The following RAB11FIP3 variants were observed in gnomAD, a reference collection of about 807,000 sequenced individuals.
The protein encoded by RAB11FIP3 is RAB11 family interacting protein 3.
RAB11FIP3 carries 17 observed loss-of-function variants against 77.8 expected under a neutral mutation model. That is an observed-to-expected ratio of 0.22 (90% confidence interval 0.15 to 0.33). The LOEUF (loss-of-function observed/expected upper bound fraction) is 0.33. Ranked by LOEUF, RAB11FIP3 falls within the 10% of genes least tolerant of loss-of-function variation. The pLI is 1.00. For missense variants in RAB11FIP3, 1,005 were observed against 1,011.2 expected (o/e 0.99, Z 0.08); for synonymous variants, 437 against 448.2 (o/e 0.98, Z 0.31).
Position 521,602 on chromosome 16 carries a change from C to T in RAB11FIP3, c.*763C>T, listed in dbSNP as rs2032691243. 1 of 152,506 alleles carries T rather than the reference C, an allele frequency of 6.6e-6. No individual in the cohort carries two copies. The highest frequency in any genetic ancestry group is 6.5e-5 in the Admixed American group (1 of 15,292). 9.4% of individuals were successfully genotyped at this position (152,506 alleles called of 1,614,324 possible). On this transcript the variant is annotated 3_prime_UTR_variant, in exon 14 of 14. Transcript: ENST00000262305. ...CCACCTATGGGGGCCGGGCAGGAGCCTCTGGGGCCTCCACTCCGACATCAG... is the reference window on the plus strand; with the variant it reads ...CCACCTATGGGGGCCGGGCAGGAGCTTCTGGGGCCTCCACTCCGACATCAG...
intron 3 of RAB11FIP3, among the ~76,000 whole-genome samples, chr16:474,486 TC>T: frequency 6.6e-6 from 1 of 152,004 alleles, no homozygotes; most frequent in Middle Eastern, 3.2e-3. Flanking sequence ...GCCGCTGAGT[TC>T]CTGGGCATGG....
Position 461,525 on chromosome 16 carries a change from C to T in RAB11FIP3, c.808+28C>T. The T allele has an allele frequency of 3.8e-6, 6 of 1,583,574 alleles. No homozygotes were observed. Among genetic ancestry groups the T allele is most frequent in the Non-Finnish European group, 5.2e-6 (6 of 1,153,380 alleles). ...CAGTCATCCCCGCCATGAGCTCCCA[C>T]CTCCTCTCCCGTTCCTCAGCCACCC... is the stretch of plus-strand genomic sequence containing the variant. On this transcript the variant is annotated intron_variant, in intron 2 of 13. Transcript: ENST00000262305. The surrounding 1 kb of genome is among the most constrained non-coding windows in gnomAD (Gnocchi z 4.5).
chr16:492,381 C>CGTCCAGG (rs1296305159), intron 5 of RAB11FIP3, among the ~76,000 whole-genome samples: 3 of 144,750 alleles, frequency 2.1e-5, no homozygotes, highest in South Asian at 2.2e-4. Flanking sequence ...GACCCGAGGC[C>CGTCCAGG]GCCCAGAGCC....
intron 2 of RAB11FIP3, among the ~76,000 whole-genome samples, chr16:463,897 G>A (rs1454346079): frequency 1.3e-5 from 2 of 152,216 alleles, no homozygotes; most frequent in Non-Finnish European, 2.9e-5. Flanking sequence ...AATGGGTGAG[G>A]TGCTGCTGCT....
chr16:486,994 T>A (rs989912009), intron 4 of RAB11FIP3, among the ~76,000 whole-genome samples: 1 of 152,162 alleles, frequency 6.6e-6, no homozygotes, highest in East Asian at 1.9e-4. Context: ...TAGCCTAATT[T>A]TAGATGGCGG....
intron 6 of RAB11FIP3, among the ~76,000 whole-genome samples, chr16:501,639 T>G (rs2031530007): frequency 8.6e-6 from 1 of 115,766 alleles, no homozygotes; most frequent in Non-Finnish European, 1.7e-5. Context: ...TGGGAGAGGG[T>G]CCCCCCATTT....
rs2031920926 is a variant in RAB11FIP3 at position 507,215 on chromosome 16, G to A, written c.1499+1588G>A. ...CAACCTCCGCATCCCAGGTTCAAGC[G>A]ATTCTTCTGCCTCAGCCTCCTGAGT... On this transcript the variant is annotated intron_variant, in intron 8 of 13. Coordinates refer to ENST00000262305, the MANE Select transcript of RAB11FIP3 (RefSeq NM_014700.4). The surrounding 1 kb of genome is among the most constrained non-coding windows in gnomAD (Gnocchi z 4.6). 6.6e-6 allele frequency among the ~76,000 whole-genome samples: 1 copy of A among 151,608 alleles called. No individual in the cohort carries two copies. Among genetic ancestry groups the A allele is most frequent in the Non-Finnish European group, 1.5e-5 (1 of 67,938 alleles).
intron 11 of RAB11FIP3, 29 bp from the exon 12 acceptor site, chr16:520,093 C>A (rs1397650100): frequency 6.5e-7 from 1 of 1,541,598 alleles, no homozygotes; most frequent in Admixed American, 2.0e-5. Flanking sequence ...AGCCCAGGCC[C>A]CCCGGCTCAC....
chr16:477,357 G>C (rs1199517423), intron 3 of RAB11FIP3, among the ~76,000 whole-genome samples: 1 of 152,248 alleles, frequency 6.6e-6, no homozygotes, highest in African/African-American at 2.4e-5. Context: ...TGGTGCCCCT[G>C]GGGTGAGTCT....
Position 471,271 on chromosome 16 carries a change from G to T in RAB11FIP3, c.809-24G>T. 1 of 1,602,356 alleles carries T rather than the reference G, an allele frequency of 6.2e-7. No homozygotes were observed. The highest frequency in any genetic ancestry group is 8.5e-7 in the Non-Finnish European group (1 of 1,170,154). On this transcript the variant is annotated intron_variant, in intron 2 of 13. Coordinates refer to ENST00000262305, the MANE Select transcript of RAB11FIP3 (RefSeq NM_014700.4). This position sits in a 1 kb window ranked among gnomAD's most constrained non-coding sequence, Gnocchi z 4.4. ...ACTGGGTGGCTATGGGTGGCCTGTT[G>T]AGCACGAGGTCTTCTCCCTGCAGAT...
At chr16:433,692 CAA>C (rs879788474) in intron 1 of RAB11FIP3, among the ~76,000 whole-genome samples, 3 of 134,070 alleles carry the variant, frequency 2.2e-5, no homozygotes, top group Non-Finnish European at 3.2e-5. Flanking sequence ...ACTAAAAATA[CAA>C]AAAAAAAAAA....
chr16:452,437 T>G (rs2055424066), intron 1 of RAB11FIP3: 1 of 151,940 alleles, frequency 6.6e-6, no homozygotes, highest in Admixed American at 6.6e-5. Flanking sequence ...TTATTATTAT[T>G]ATTATTATTA....
At chr16:437,862 G>C (rs1235621319) in intron 1 of RAB11FIP3, among the ~76,000 whole-genome samples, 1 of 151,434 alleles carries the variant, frequency 6.6e-6, no homozygotes, top group Non-Finnish European at 1.5e-5. Context: ...GCACGATCTT[G>C]GCTCATTCTT....
At chr16:497,475 T>TGCCTTCCTAGTCCCCGTCCTGCTTC in intron 6 of RAB11FIP3, 1 of 1,204,326 alleles carries the variant, frequency 8.3e-7, no homozygotes, top group Non-Finnish European at 1.1e-6. Flanking sequence ...TTATCTGCTT[T>TGCCTTCCTAGTCCCCGTCCTGCTTC]GCCTTCCTAG....
intron 1 of RAB11FIP3, among the ~76,000 whole-genome samples, chr16:444,550 C>T (rs1170022259): frequency 6.6e-6 from 1 of 152,234 alleles, no homozygotes; most frequent in Non-Finnish European, 1.5e-5. Context: ...TTGTAGTCCT[C>T]TCAAGATTGG....
At chr16:473,325 A>G (rs1289975803) in intron 3 of RAB11FIP3, among the ~76,000 whole-genome samples, 2 of 152,220 alleles carry the variant, frequency 1.3e-5, no homozygotes, top group Non-Finnish European at 2.9e-5. Context: ...AGAATGGAAG[A>G]AAGTTTTTTG....
intron 5 of RAB11FIP3, among the ~76,000 whole-genome samples, chr16:492,623 A>G (rs944602129): frequency 2.0e-5 from 3 of 150,640 alleles, no homozygotes; most frequent in Non-Finnish European, 4.4e-5. Flanking sequence ...CTAGGGGTTC[A>G]AGGCCCGGCG....
intron 1 of RAB11FIP3, among the ~76,000 whole-genome samples, chr16:429,946 T>C (rs1024806368): frequency 1.3e-5 from 2 of 152,202 alleles, no homozygotes; most frequent in Admixed American, 1.3e-4. Flanking sequence ...AGATGGCTTT[T>C]GTGTCCCTGT....
At chr16:480,286 CAA>C (rs56228402) in intron 3 of RAB11FIP3, among the ~76,000 whole-genome samples, 12 of 79,996 alleles carry the variant, frequency 1.5e-4, no homozygotes, top group East Asian at 3.8e-4. Context: ...ACTCCTTCTC[CAA>C]AAAAAAAAAA....
Sources: gnomAD v4.1 joint callset for allele counts (sites outside exome capture counted in the v4.1 genomes callset) on GRCh38, gnomAD v4.1.1 for gene constraint, Gnocchi (gnomAD v3.1) non-coding constraint, MANE v1.5 for transcripts, NCBI Gene and HGNC (gene_info 2026-07-23, HGNC 2026-07-21) for gene names.